Variants in ODAD2 observed in about 807,000 individuals in gnomAD.
ODAD2 encodes the protein outer dynein arm docking complex subunit 2, also known as outer dynein arm-docking complex subunit 2.
A neutral mutation model predicts 106.8 loss-of-function variants in ODAD2; 89 were observed. That is an observed-to-expected ratio of 0.83 (90% CI 0.70 to 0.99). The LOEUF is 0.99. Among genes scored for constraint, ODAD2 ranks in the 50% least tolerant of loss-of-function variants. The pLI, the probability that ODAD2 is intolerant of heterozygous loss-of-function variation, is 0.00. For missense variants in ODAD2, 1,168 were observed against 1,238.5 expected, an observed-to-expected ratio of 0.94 and a Z score of 0.85; for synonymous variants, 404 against 436.2, an observed-to-expected ratio of 0.93 and a Z score of 0.92.
intron 19 of ODAD2, among the ~76,000 whole-genome samples, chr10:27,827,291 A>T (rs1837121021): frequency 6.7e-6 from 1 of 149,556 alleles, no homozygotes; most frequent in Admixed American, 6.7e-5. Context: ...AATGTCATTC[A>T]CTCTCATTAT....
intron 7 of ODAD2, among the ~76,000 whole-genome samples, chr10:27,977,170 G>A (rs545860761): frequency 6.6e-6 from 1 of 152,186 alleles, no homozygotes; most frequent in East Asian, 1.9e-4. Flanking sequence ...CATTATACTG[G>A]GTTTGGAAAA....
chr10:27,968,798 T>C, intron 9 of ODAD2, 125 bp downstream of exon 9: 1 of 323,212 alleles, frequency 3.1e-6, no homozygotes, highest in South Asian at 2.7e-5. Flanking sequence ...TTACTAACAT[T>C]CCTAGTAACC....
rs141182393 is a variant in ODAD2 at position 27,893,216 on chromosome 10, A to G, written c.2610+14447T>C. Among the ~76,000 whole-genome samples the G allele has an allele frequency of 3.2e-3, 494 of 152,254 alleles. 5 individuals are homozygous for G. The highest frequency in any genetic ancestry group is 0.011 in the African/African-American group (465 of 41,558). ...AGTAAAAGAAAAGAGAAAAGAAATAAAGAAAAGATGTTCTACATTCACTAG... is the reference window on the plus strand; with the variant it reads ...AGTAAAAGAAAAGAGAAAAGAAATAGAGAAAAGATGTTCTACATTCACTAG... On this transcript the variant is annotated intron_variant, in intron 17 of 19. Coordinates refer to ENST00000305242, the MANE Select transcript of ODAD2 (RefSeq NM_018076.5).
intron 1 of ODAD2, among the ~76,000 whole-genome samples, chr10:27,998,184 A>G (rs1850668385): frequency 6.6e-6 from 1 of 152,248 alleles, no homozygotes; most frequent in Non-Finnish European, 1.5e-5. Flanking sequence ...GGTTGGTAAC[A>G]TCCACGGGGA....
chr10:27,859,410 A>G (rs1839887248), intron 19 of ODAD2, among the ~76,000 whole-genome samples: 1 of 152,170 alleles, frequency 6.6e-6, no homozygotes, highest in Non-Finnish European at 1.5e-5. Context: ...CTTCTACTGG[A>G]ATAGATTTCA....
intron 17 of ODAD2, among the ~76,000 whole-genome samples, chr10:27,877,025 G>A (rs377205183): frequency 1.2e-3 from 178 of 152,112 alleles, no homozygotes; most frequent in Middle Eastern, 3.4e-3. Context: ...ATAGGCTCAT[G>A]TCTATCACTC....
At chr10:27,820,353 C>T (rs1036079627) in intron 19 of ODAD2, among the ~76,000 whole-genome samples, 6 of 151,782 alleles carry the variant, frequency 4.0e-5, no homozygotes, top group South Asian at 2.1e-4. Context: ...TTCTAAGAGT[C>T]GGTTGTATTT....
chr10:27,843,485 G>T (rs1838466460), intron 19 of ODAD2, among the ~76,000 whole-genome samples: 1 of 152,172 alleles, frequency 6.6e-6, no homozygotes, highest in South Asian at 2.1e-4. Flanking sequence ...AGCACTGAGG[G>T]CCGGGCATGG....
At chr10:27,927,869 ACT>A (rs1450936264) in intron 16 of ODAD2, among the ~76,000 whole-genome samples, 2 of 151,614 alleles carry the variant, frequency 1.3e-5, no homozygotes, top group African/African-American at 4.8e-5. Context: ...TTCTTTCTTC[ACT>A]CTGTTTCTCT....
chr10:27,940,650 G>A lies in ODAD2; in HGVS notation c.1899C>T (p.Gly633=). The A allele has an allele frequency of 6.2e-7, 1 of 1,614,070 alleles. No homozygotes were observed. Among genetic ancestry groups the A allele is most frequent in the South Asian group, 1.1e-5 (1 of 91,078 alleles). Residue 633 remains glycine (G), a synonymous_variant, in exon 13 of 20, where the codon GGC becomes GGT. Coordinates refer to ENST00000305242, the MANE Select transcript of ODAD2 (RefSeq NM_018076.5). Reference sequence around the variant, plus strand: ...TCAGCAGCCGAGCCAACAGAGGAATGCCCCCAGCTTTGCGGATGGCTTCTT... The same window carrying A: ...TCAGCAGCCGAGCCAACAGAGGAATACCCCCAGCTTTGCGGATGGCTTCTT... The part of the protein sequence containing the change: ...TNKEAIRKAG[G]IPLLARLLKT...
chr10:27,843,800 A>C (rs1421507526), intron 19 of ODAD2, among the ~76,000 whole-genome samples: 1 of 152,106 alleles, frequency 6.6e-6, no homozygotes, highest in African/African-American at 2.4e-5. Flanking sequence ...TAGCACTGAA[A>C]ATTAGGAATA....
chr10:27,841,227 TTATTTCCC>T (rs1838281983), intron 19 of ODAD2, among the ~76,000 whole-genome samples: 1 of 152,184 alleles, frequency 6.6e-6, no homozygotes, highest in African/African-American at 2.4e-5. Context: ...ATTACTATGA[TTATTTCCC>T]TCTTTGTGGT....
At chr10:27,931,237 T>C (rs1845597101) in intron 16 of ODAD2, among the ~76,000 whole-genome samples, 1 of 152,220 alleles carries the variant, frequency 6.6e-6, no homozygotes, top group African/African-American at 2.4e-5. Flanking sequence ...GCATATTACA[T>C]ATGGGTCAAT....
intron 9 of ODAD2, among the ~76,000 whole-genome samples, chr10:27,964,230 T>C (rs1000830584): frequency 2.6e-5 from 4 of 152,038 alleles, no homozygotes; most frequent in Admixed American, 6.6e-5. Context: ...ATATTAATAA[T>C]AATAACAATT....
At chr10:27,899,154 G>A (rs911415989) in intron 17 of ODAD2, among the ~76,000 whole-genome samples, 12 of 151,836 alleles carry the variant, frequency 7.9e-5, no homozygotes, top group African/African-American at 1.7e-4. Context: ...TACAGCCCAC[G>A]GAGGGCAAGC....
intron 10 of ODAD2, among the ~76,000 whole-genome samples, chr10:27,946,451 G>A (rs553590243): frequency 2.6e-5 from 4 of 152,018 alleles, no homozygotes; most frequent in Non-Finnish European, 5.9e-5. Flanking sequence ...TCTGATGCAT[G>A]TATAAAATGT....
At chr10:27,960,951 C>T (rs914477449) in intron 10 of ODAD2, among the ~76,000 whole-genome samples, 1 of 152,122 alleles carries the variant, frequency 6.6e-6, no homozygotes, top group African/African-American at 2.4e-5. Context: ...TCCCCTTGCC[C>T]TCCTGCAAAT....
chr10:27,906,580 A>C (rs1192694501), intron 17 of ODAD2, among the ~76,000 whole-genome samples: 1 of 152,206 alleles, frequency 6.6e-6, no homozygotes, highest in African/African-American at 2.4e-5. Context: ...TTATTGCAGC[A>C]CTATTCACAA....
chr10:27,923,558 A>G (rs1844942198), intron 16 of ODAD2, among the ~76,000 whole-genome samples: 7 of 152,194 alleles, frequency 4.6e-5, no homozygotes, highest in Admixed American at 4.6e-4. Context: ...AGCATAAGAC[A>G]GATCAAGTTC....
Sources: allele counts gnomAD v4.1 joint callset (sites outside exome capture counted in the v4.1 genomes callset), GRCh38; gene constraint gnomAD v4.1.1; transcripts MANE v1.5; gene names NCBI Gene and HGNC (gene_info 2026-07-23, HGNC 2026-07-21).